The following OCIAD1 variants were observed in gnomAD, a reference collection of about 807,000 sequenced individuals.
The protein encoded by OCIAD1 is OCIA domain-containing protein 1.
OCIAD1 carries 29 observed loss-of-function variants against 38.9 expected under a neutral mutation model. That is an observed-to-expected ratio of 0.74 (90% CI 0.55 to 1.02). OCIAD1 has a LOEUF of 1.02. Among genes scored for constraint, OCIAD1 ranks in the 50% least tolerant of loss-of-function variants. The pLI, the probability that OCIAD1 is intolerant of heterozygous loss-of-function variation, is 0.00. For synonymous variants in OCIAD1, 110 were observed against 92.0 expected (o/e 1.20, Z -1.12); for missense variants, 288 against 289.6 (o/e 0.99, Z 0.04).
intron 4 of OCIAD1, among the ~76,000 whole-genome samples, chr4:48,845,150 A>G (rs1427651025): frequency 6.6e-6 from 1 of 152,120 alleles, no homozygotes; most frequent in African/African-American, 2.4e-5. Context: ...AGAACATTAA[A>G]AAGAAAAAAA....
chr4:48,841,514 A>G (rs1285825457), intron 3 of OCIAD1, among the ~76,000 whole-genome samples: 1 of 152,158 alleles, frequency 6.6e-6, no homozygotes, highest in Non-Finnish European at 1.5e-5. Flanking sequence ...CTCAGTGCCC[A>G]CAGTTTTTAT....
Position 48,831,939 on chromosome 4 carries a change from G to T in OCIAD1, c.-5-681G>T, listed in dbSNP as rs561069696. 2.0e-5 allele frequency among the ~76,000 whole-genome samples: 3 copies of T among 152,188 alleles called. No homozygotes were observed. The East Asian group carries it at 5.8e-4, about 29-fold the overall frequency. ...CCACGTAAACGTTCTGTAAAATACG[G>T]TTACTTGATCTGTTGGTCTGAGTCC... On this transcript the variant is annotated intron_variant, in intron 1 of 8. Coordinates refer to ENST00000264312, the MANE Select transcript of OCIAD1 (RefSeq NM_017830.4).
intron 1 of OCIAD1, among the ~76,000 whole-genome samples, chr4:48,821,034 T>C (rs1205705090): frequency 6.6e-6 from 1 of 152,192 alleles, no homozygotes; most frequent in Admixed American, 6.5e-5. Flanking sequence ...GAAGGACTCC[T>C]CCTTAACTCA....
chr4:48,837,136 T>G (rs763806757), intron 3 of OCIAD1: 2 of 151,724 alleles, frequency 1.3e-5, no homozygotes, highest in Non-Finnish European at 1.5e-5. Flanking sequence ...CATACCTGGC[T>G]ATTTTTTTTT....
At position 48,808,327 on chromosome 4, in the gene OCIAD1, G is replaced by T. The variant is rs557903430; in HGVS notation, c.-103+2997G>T. On this transcript the variant is annotated intron_variant, in intron 1 of 6. Coordinates refer to the OCIAD1 transcript ENST00000504654. Reference sequence around the variant, plus strand: ...TACAAAAAATACAAAAAAATTAGCTGGGTGTGGTGGCATGCATCTGTAATC... The same window carrying T: ...TACAAAAAATACAAAAAAATTAGCTTGGTGTGGTGGCATGCATCTGTAATC... 2.6e-5 allele frequency among the ~76,000 whole-genome samples: 4 copies of T among 152,190 alleles called. No individual in the cohort carries two copies. In the South Asian group the frequency reaches 8.3e-4, roughly 32 times the overall value.
At chr4:48,838,789 C>A (rs1480783268) in intron 3 of OCIAD1, among the ~76,000 whole-genome samples, 1 of 152,176 alleles carries the variant, frequency 6.6e-6, no homozygotes, top group Non-Finnish European at 1.5e-5. Flanking sequence ...TTATCCTCTT[C>A]TAAAATTAGA....
chr4:48,825,249 C>A (rs370082489), intron 1 of OCIAD1, among the ~76,000 whole-genome samples: 1 of 152,314 alleles, frequency 6.6e-6, no homozygotes, highest in Admixed American at 6.5e-5. Context: ...GTCCTGACTC[C>A]TTGTGCCCCC....
At chr4:48,815,030 G>A (rs1447258522) in intron 1 of OCIAD1, among the ~76,000 whole-genome samples, 2 of 152,190 alleles carry the variant, frequency 1.3e-5, no homozygotes, top group Non-Finnish European at 2.9e-5. Context: ...ATTTCTAGAA[G>A]AGGCTGGGTG....
At chr4:48,832,529 A>C in intron 1 of OCIAD1, 91 bp from the exon 2 acceptor site, 1 of 891,168 alleles carries the variant, frequency 1.1e-6, no homozygotes, top group South Asian at 1.3e-5. Flanking sequence ...TGCTGTGTAG[A>C]CTAGTAGTTT....
At chr4:48,820,151 G>A (rs1210674930) in intron 1 of OCIAD1, among the ~76,000 whole-genome samples, 2 of 152,116 alleles carry the variant, frequency 1.3e-5, no homozygotes, top group African/African-American at 2.4e-5. Context: ...ATAATTGGAA[G>A]TAAAACCCTC....
intron 3 of OCIAD1, among the ~76,000 whole-genome samples, chr4:48,841,184 G>A (rs1309924257): frequency 1.3e-5 from 2 of 152,130 alleles, no homozygotes; most frequent in African/African-American, 4.8e-5. Flanking sequence ...CTTTAAAACG[G>A]CAATTGAGTA....
Position 48,854,621 on chromosome 4 carries a change from A to G in OCIAD1, c.548-2592A>G, listed in dbSNP as rs573699930. ...GCCCTTTGGTATCTACCCACAGACT[A>G]CTTAGCAAGGCCATGTCTTAATATT... On this transcript the variant is annotated intron_variant, in intron 7 of 8. Transcript: ENST00000264312. Among the ~76,000 whole-genome samples, 47 of 152,322 alleles carry G rather than the reference A, an allele frequency of 3.1e-4. No homozygotes were observed. In the South Asian group the frequency reaches 8.1e-3, roughly 26 times the overall value.
chr4:48,817,595 A>G (rs1302317088), intron 1 of OCIAD1, among the ~76,000 whole-genome samples: 1 of 152,152 alleles, frequency 6.6e-6, no homozygotes, highest in Non-Finnish European at 1.5e-5. Context: ...ACTCCCCTGG[A>G]AAGGGGGCTG....
chr4:48,842,738 GTT>G, intron 4 of OCIAD1, 49 bp downstream of exon 4: 1 of 1,000,530 alleles, frequency 1.0e-6, no homozygotes, highest in Non-Finnish European at 1.5e-6. Flanking sequence ...TACCATGTTT[GTT>G]TTGTGGTATT....
At chr4:48,851,457 G>A (rs1338880358) in intron 6 of OCIAD1, among the ~76,000 whole-genome samples, 1 of 152,180 alleles carries the variant, frequency 6.6e-6, no homozygotes, top group African/African-American at 2.4e-5. Context: ...GGAAGCTGAG[G>A]CAGGAGGGTT....
intron 1 of OCIAD1, chr4:48,831,623 C>G: frequency 9.1e-7 from 1 of 1,103,074 alleles, no homozygotes; most frequent in Non-Finnish European, 1.2e-6. Context: ...CCGTGTCAGC[C>G]CTGACAGTCT....
intron 4 of OCIAD1, among the ~76,000 whole-genome samples, chr4:48,847,406 C>T (rs1779064457): frequency 1.3e-5 from 2 of 152,082 alleles, no homozygotes; most frequent in Non-Finnish European, 2.9e-5. Context: ...CTGTAGTTTT[C>T]AGTGTTAATA....
intron 1 of OCIAD1, among the ~76,000 whole-genome samples, chr4:48,815,472 T>G (rs1255172579): frequency 1.3e-5 from 2 of 152,238 alleles, no homozygotes. Context: ...TTTTTTGGAA[T>G]GACCTGCAAA....
chr4:48,817,837 C>A (rs1373699853), intron 1 of OCIAD1, among the ~76,000 whole-genome samples: 7 of 152,220 alleles, frequency 4.6e-5, no homozygotes, highest in Admixed American at 2.0e-4. Context: ...GGCAAAGCAG[C>A]TGTGGCCAGA....
Sources: gnomAD v4.1 joint callset for allele counts (sites outside exome capture counted in the v4.1 genomes callset) on GRCh38, gnomAD v4.1.1 for gene constraint, MANE v1.5 for transcripts, NCBI Gene and HGNC (gene_info 2026-07-23, HGNC 2026-07-21) for gene names.